Variants in GPC5 observed in about 807,000 individuals in gnomAD.
GPC5 encodes the protein glypican-5.
A neutral mutation model predicts 53.9 loss-of-function variants in GPC5; 47 were observed. The observed-to-expected ratio is 0.87, with a 90% CI of 0.69 to 1.11. GPC5 has a LOEUF of 1.11. Among genes scored for constraint, GPC5 ranks in the 50% most tolerant of loss-of-function variants. The pLI, the probability that GPC5 is intolerant of heterozygous loss-of-function variation, is 0.00. For synonymous variants in GPC5, 286 were observed against 263.3 expected, an observed-to-expected ratio of 1.09 and a Z score of -0.84; for missense variants, 748 against 713.1, an observed-to-expected ratio of 1.05 and a Z score of -0.56.
At chr13:92,243,404 G>A (rs1383620780) in intron 7 of GPC5, among the ~76,000 whole-genome samples, 1 of 152,154 alleles carries the variant, frequency 6.6e-6, no homozygotes, top group Non-Finnish European at 1.5e-5. Context: ...AGAGAAGTCA[G>A]AGTAGAAATA....
At chr13:91,662,694 G>T (rs1052089616) in intron 2 of GPC5, among the ~76,000 whole-genome samples, 8 of 151,720 alleles carry the variant, frequency 5.3e-5, no homozygotes, top group African/African-American at 1.7e-4. Context: ...GTTCTGTATT[G>T]TTTCTCACCT....
intron 5 of GPC5, among the ~76,000 whole-genome samples, chr13:91,861,378 A>G (rs1381925614): frequency 1.3e-5 from 2 of 152,092 alleles, no homozygotes; most frequent in Non-Finnish European, 2.9e-5. Context: ...TCCTTCATGA[A>G]TTATGAGGCT....
chr13:91,837,070 G>T (rs1312028440), intron 5 of GPC5, among the ~76,000 whole-genome samples: 3 of 149,596 alleles, frequency 2.0e-5, no homozygotes, highest in Non-Finnish European at 4.5e-5. Flanking sequence ...TTTATTTATT[G>T]ATTTGAATTT....
chr13:92,028,879 C>A (rs1301119153), intron 6 of GPC5, among the ~76,000 whole-genome samples: 1 of 152,064 alleles, frequency 6.6e-6, no homozygotes, highest in Non-Finnish European at 1.5e-5. Context: ...ATCAATGGAG[C>A]CAGAACAAAG....
At chr13:92,069,361 G>A (rs2041191938) in intron 6 of GPC5, among the ~76,000 whole-genome samples, 1 of 151,328 alleles carries the variant, frequency 6.6e-6, no homozygotes, top group African/African-American at 2.4e-5. Context: ...TTACTATAAA[G>A]TTATGCCTAA....
chr13:91,858,320 T>C (rs1373834394), intron 5 of GPC5, among the ~76,000 whole-genome samples: 1 of 151,938 alleles, frequency 6.6e-6, no homozygotes, highest in Non-Finnish European at 1.5e-5. Flanking sequence ...ATATGGCTTT[T>C]ATTATGTTGA....
intron 7 of GPC5, chr13:92,490,111 A>G (rs1447677451): frequency 2.6e-5 from 4 of 154,416 alleles, no homozygotes; most frequent in Admixed American, 6.6e-5. Flanking sequence ...TTGTTTCCCG[A>G]AAACTCCAAG....
At chr13:91,723,477 C>CAAA (rs111269990) in intron 3 of GPC5, among the ~76,000 whole-genome samples, 221 of 148,376 alleles carry the variant, frequency 1.5e-3, no homozygotes, top group African/African-American at 4.8e-3. Context: ...TCTCTCCCTC[C>CAAA]AAAAAAAAAA....
At chr13:91,516,310 C>T (rs1410630687) in intron 2 of GPC5, among the ~76,000 whole-genome samples, 1 of 152,160 alleles carries the variant, frequency 6.6e-6, no homozygotes, top group African/African-American at 2.4e-5. Flanking sequence ...AATGAGGGTA[C>T]AGGTATTAGG....
intron 7 of GPC5, among the ~76,000 whole-genome samples, chr13:92,173,766 T>C (rs1393972466): frequency 1.3e-5 from 2 of 152,184 alleles, no homozygotes; most frequent in Non-Finnish European, 2.9e-5. Flanking sequence ...CAATATACTT[T>C]TATTATTATG....
At chr13:92,379,590 A>G (rs2043722175) in intron 7 of GPC5, among the ~76,000 whole-genome samples, 1 of 150,750 alleles carries the variant, frequency 6.6e-6, no homozygotes. Context: ...TGCCCCCTGC[A>G]TATTAGTTCC....
chr13:91,649,796 C>T (rs1179364569), intron 2 of GPC5, among the ~76,000 whole-genome samples: 2 of 152,190 alleles, frequency 1.3e-5, no homozygotes, highest in South Asian at 2.1e-4. Flanking sequence ...GTATACTCCA[C>T]ATGGCTTGTA....
intron 7 of GPC5, among the ~76,000 whole-genome samples, chr13:92,532,704 A>G (rs972291865): frequency 1.3e-5 from 2 of 152,138 alleles, no homozygotes; most frequent in Non-Finnish European, 2.9e-5. Context: ...CTATATGAAG[A>G]CTTAGTTATT....
intron 7 of GPC5, among the ~76,000 whole-genome samples, chr13:92,340,898 G>T (rs886818391): frequency 6.6e-6 from 1 of 151,982 alleles, no homozygotes; most frequent in African/African-American, 2.4e-5. Flanking sequence ...TAGGCCAATT[G>T]GTTGTAAAAT....
intron 2 of GPC5, among the ~76,000 whole-genome samples, chr13:91,571,793 G>A (rs1408905589): frequency 7.7e-6 from 1 of 129,660 alleles, no homozygotes; most frequent in Non-Finnish European, 1.7e-5. Flanking sequence ...ATATACGTGT[G>A]TGTATATATA....
At chr13:92,406,691 G>A (rs7985054) in intron 7 of GPC5, among the ~76,000 whole-genome samples, 4 of 151,872 alleles carry the variant, frequency 2.6e-5, no homozygotes, top group East Asian at 1.9e-4. Context: ...CATAGTTTTC[G>A]CAGTCAATTG....
At chr13:91,506,813 C>A in intron 2 of GPC5, among the ~76,000 whole-genome samples, 1 of 151,500 alleles carries the variant, frequency 6.6e-6, no homozygotes. Flanking sequence ...AATCATAAAC[C>A]TTGATTTTCC....
At chr13:91,578,246 A>G (rs1468078929) in intron 2 of GPC5, among the ~76,000 whole-genome samples, 1 of 152,182 alleles carries the variant, frequency 6.6e-6, no homozygotes, top group Non-Finnish European at 1.5e-5. Context: ...GCTTGTCTTA[A>G]ATGCAACCTC....
rs74937051 is a variant in GPC5, at chr13:91,738,389, C to T, written c.1154+9724C>T. On this transcript the variant is annotated intron_variant, in intron 4 of 7. Transcript: ENST00000377067. ...GCACATGGTTATGCCTCACCATAAC[C>T]GTGGTTGACTTATAACTAATTTAAC... Among the ~76,000 whole-genome samples the T allele has an allele frequency of 9.9e-3, 1,500 of 151,268 alleles. 81 individuals are homozygous for T. Among genetic ancestry groups the T allele is most frequent in the African/African-American group, 0.033 (1,333 of 40,682 alleles).
Sources: allele counts gnomAD v4.1 joint callset (sites outside exome capture counted in the v4.1 genomes callset), GRCh38; gene constraint gnomAD v4.1.1; transcripts MANE v1.5; gene names NCBI Gene and HGNC (gene_info 2026-07-23, HGNC 2026-07-21).